The following FAT3 variants were observed in gnomAD, a reference collection of about 807,000 sequenced individuals.
FAT3 encodes the protein protocadherin Fat 3.
In FAT3, 95 loss-of-function variants were observed where a neutral mutation model predicts 310.2. The ratio of observed to expected loss-of-function variants is 0.31; its 90% CI spans 0.26 to 0.36. The LOEUF is 0.36. Ranked by LOEUF, FAT3 falls within the 10% of genes least tolerant of loss-of-function variation. The pLI, the probability that FAT3 is intolerant of heterozygous loss-of-function variation, is 1.00. For missense variants in FAT3, 5,408 were observed against 5,715.6 expected (o/e 0.95, Z 1.74); for synonymous variants, 2,314 against 2,192.9 (o/e 1.06, Z -1.54).
intron 3 of FAT3, among the ~76,000 whole-genome samples, chr11:92,650,025 C>A (rs188702744): frequency 6.6e-6 from 1 of 151,456 alleles, no homozygotes; most frequent in Non-Finnish European, 1.5e-5. Flanking sequence ...CCTTTGTATA[C>A]GGTGAAGAAA....
intron 13 of FAT3, among the ~76,000 whole-genome samples, chr11:92,811,791 G>A (rs1947680305): frequency 6.6e-6 from 1 of 152,150 alleles, no homozygotes; most frequent in Admixed American, 6.5e-5. Context: ...TATGTATAAA[G>A]TATACTCACC....
intron 1 of FAT3, among the ~76,000 whole-genome samples, chr11:92,234,880 T>G (rs1864351311): frequency 7.2e-6 from 1 of 138,448 alleles, no homozygotes; most frequent in Non-Finnish European, 1.5e-5. Context: ...CCAGCCTGGG[T>G]GACAACAGTG....
At chr11:92,726,300 T>C (rs940285696) in intron 4 of FAT3, among the ~76,000 whole-genome samples, 2 of 152,268 alleles carry the variant, frequency 1.3e-5, no homozygotes, top group Admixed American at 1.3e-4. Flanking sequence ...ATATAAGTGG[T>C]TTAATTGTTT....
intron 1 of FAT3, among the ~76,000 whole-genome samples, chr11:92,308,046 G>A (rs1402649199): frequency 2.0e-5 from 3 of 151,738 alleles, no homozygotes; most frequent in Non-Finnish European, 4.4e-5. Flanking sequence ...ATTTTTTCCT[G>A]GTCACACAAT....
At chr11:92,490,490 A>T (rs1952569176) in intron 2 of FAT3, among the ~76,000 whole-genome samples, 1 of 152,100 alleles carries the variant, frequency 6.6e-6, no homozygotes, top group Non-Finnish European at 1.5e-5. Context: ...ACTATCAAAA[A>T]ACATTGTGTA....
chr11:92,551,198 C>T (rs1178465112), intron 3 of FAT3, among the ~76,000 whole-genome samples: 1 of 152,008 alleles, frequency 6.6e-6, no homozygotes, highest in Non-Finnish European at 1.5e-5. Context: ...TATCTGGATC[C>T]TGTCTGAATT....
At chr11:92,478,315 G>C (rs2135180183) in intron 2 of FAT3, among the ~76,000 whole-genome samples, 2 of 152,206 alleles carry the variant, frequency 1.3e-5, no homozygotes, top group South Asian at 4.2e-4. Context: ...TAACATATTA[G>C]AGTCATTTTG....
intron 6 of FAT3, among the ~76,000 whole-genome samples, chr11:92,770,031 T>C (rs1424301300): frequency 6.6e-6 from 1 of 152,230 alleles, no homozygotes; most frequent in Admixed American, 6.5e-5. Context: ...CGAAAGACTC[T>C]TACCCAGTGA....
chr11:92,624,570 T>C (rs1480345974), intron 3 of FAT3, among the ~76,000 whole-genome samples: 1 of 152,108 alleles, frequency 6.6e-6, no homozygotes, highest in African/African-American at 2.4e-5. Flanking sequence ...TAGTGATCCA[T>C]GTGGAAGGCA....
chr11:92,570,510 C>T (rs1469477925), intron 3 of FAT3, among the ~76,000 whole-genome samples: 1 of 152,050 alleles, frequency 6.6e-6, no homozygotes, highest in Non-Finnish European at 1.5e-5. Context: ...CCCTTGTATA[C>T]CCATCCTCCA....
chr11:92,522,512 C>G (rs929256704), intron 2 of FAT3, among the ~76,000 whole-genome samples: 4 of 152,118 alleles, frequency 2.6e-5, no homozygotes. Flanking sequence ...CAGGGCCCAG[C>G]TGGCATGGCA....
intron 4 of FAT3, among the ~76,000 whole-genome samples, chr11:92,741,866 T>A (rs1486778274): frequency 6.6e-6 from 1 of 152,236 alleles, no homozygotes; most frequent in Non-Finnish European, 1.5e-5. Flanking sequence ...TAATGAATAA[T>A]GTTTGTTTCC....
At chr11:92,627,120 A>G (rs1405478573) in intron 3 of FAT3, among the ~76,000 whole-genome samples, 6 of 152,346 alleles carry the variant, frequency 3.9e-5, no homozygotes, top group Non-Finnish European at 1.5e-5. Context: ...AGAAAATTAA[A>G]TGTTGTCTAA....
Position 92,792,926 on chromosome 11 carries a change from C to G in FAT3, c.4771C>G (p.Leu1591Val). 1.2e-6 allele frequency: 2 copies of G among 1,613,742 alleles called. No homozygotes were observed. Among genetic ancestry groups the G allele is most frequent in the Non-Finnish European group, 1.7e-6 (2 of 1,179,778 alleles). The change falls in exon 9 of 28, where the codon CTG (leucine) becomes GTG (valine). Residue 1591 changes from leucine (L) to valine (V), a missense_variant. Around this residue, in one of 5 missense-constraint regions of FAT3, gnomAD observed 4,588 missense variants for 4,809.8 expected, o/e 0.95. Coordinates refer to ENST00000525166, the MANE Select transcript of FAT3 (RefSeq NM_001367949.2). Reference protein sequence around the residue: ...LGSAVLQVTALDKDKGENAEL... With the variant: ...LGSAVLQVTAVDKDKGENAEL... ...ATCAGCTGTTCTGCAAGTGACGGCT[C>G]TGGACAAAGACAAAGGAGAAAATGC... is the stretch of plus-strand genomic sequence containing the variant.
intron 3 of FAT3, among the ~76,000 whole-genome samples, chr11:92,652,120 A>G (rs1285845423): frequency 2.0e-5 from 3 of 152,074 alleles, no homozygotes; most frequent in Admixed American, 2.0e-4. Context: ...TCTTTTATAT[A>G]CATATTGAAA....
chr11:92,238,059 T>C (rs192447394), intron 1 of FAT3, among the ~76,000 whole-genome samples: 35 of 152,234 alleles, frequency 2.3e-4, no homozygotes, highest in Admixed American at 4.6e-4. Context: ...AACAAGGTCA[T>C]AGGCCTTAAT....
chr11:92,388,853 G>A (rs1949685794), intron 2 of FAT3, among the ~76,000 whole-genome samples: 2 of 152,190 alleles, frequency 1.3e-5, no homozygotes, highest in Non-Finnish European at 1.5e-5. Flanking sequence ...TGTCTGTCTT[G>A]TTTGGACCAG....
intron 1 of FAT3, among the ~76,000 whole-genome samples, chr11:92,300,577 C>T (rs1946972858): frequency 6.6e-6 from 1 of 152,152 alleles, no homozygotes; most frequent in South Asian, 2.1e-4. Context: ...CCTTAACAAT[C>T]TTATCTAAAA....
At position 92,262,069 on chromosome 11, in the gene FAT3, T is replaced by C. The variant is rs199822174; in HGVS notation, c.-18+36895T>C. Reference sequence around the variant, plus strand: ...CCCATGTGACCTAAAGAAACTACCATATTAGAAGAGGCTACCATATTAGAT... The same window carrying C: ...CCCATGTGACCTAAAGAAACTACCACATTAGAAGAGGCTACCATATTAGAT... On this transcript the variant is annotated intron_variant, in intron 1 of 27. Coordinates refer to ENST00000525166, the MANE Select transcript of FAT3 (RefSeq NM_001367949.2). Among the ~76,000 whole-genome samples the C allele has an allele frequency of 1.1e-4, 17 of 152,138 alleles. No individual in the cohort carries two copies. In the East Asian group the frequency reaches 2.9e-3, roughly 26 times the overall value.
Sources: allele counts gnomAD v4.1 joint callset (sites outside exome capture counted in the v4.1 genomes callset), GRCh38; gene constraint gnomAD v4.1.1; regional missense constraint gnomAD v4.1.1; transcripts MANE v1.5; gene names NCBI Gene and HGNC (gene_info 2026-07-23, HGNC 2026-07-21).